The following ARFGEF1 variants were observed in gnomAD, a reference collection of about 807,000 sequenced individuals.
The protein encoded by ARFGEF1 is brefeldin A-inhibited guanine nucleotide-exchange protein 1.
In ARFGEF1, 42 loss-of-function variants were observed where a neutral mutation model predicts 231.0. The ratio of observed to expected loss-of-function variants is 0.18; its 90% CI spans 0.14 to 0.24. The LOEUF (loss-of-function observed/expected upper bound fraction) is 0.24. ARFGEF1 is among the 10% of genes least tolerant of loss of function. The probability of loss-of-function intolerance (pLI) is 1.00; values close to 1 mark genes in which losing one functional copy is unlikely to be tolerated. For missense variants in ARFGEF1, 1,345 were observed against 2,192.0 expected, an observed-to-expected ratio of 0.61 and a Z score of 7.72; for synonymous variants, 710 against 732.3, an observed-to-expected ratio of 0.97 and a Z score of 0.49.
In ARFGEF1 at chr8:67,217,806, A is replaced by G; in HGVS notation, c.4589T>C (p.Ile1530Thr). The part of the protein sequence containing the change: ...WDKTCNCTLD[I>T]FKTTIPHALL... ...CGCATGTGGGATTGTGGTTTTGAAGATATCCAGTGTGCAGTTGCAAGTTTT... is the reference window on the plus strand; with the variant it reads ...CGCATGTGGGATTGTGGTTTTGAAGGTATCCAGTGTGCAGTTGCAAGTTTT... The change falls in exon 32 of 39, where the codon ATC (isoleucine) becomes ACC (threonine). Residue 1530 changes from isoleucine to threonine, a missense_variant. Ile to Thr is a moderately conservative substitution (Grantham distance 89). Transcript: ENST00000262215. 6.2e-7 allele frequency: 1 copy of G among 1,613,936 alleles called. No individual in the cohort carries two copies. Among genetic ancestry groups the G allele is most frequent in the Non-Finnish European group, 8.5e-7 (1 of 1,179,904 alleles).
intron 22 of ARFGEF1, among the ~76,000 whole-genome samples, chr8:67,233,371 T>G (rs1839615427): frequency 6.6e-6 from 1 of 152,004 alleles, no homozygotes; most frequent in Non-Finnish European, 1.5e-5. Context: ...AGTTGAAAAT[T>G]CTACCTGTAT....
intron 7 of ARFGEF1, among the ~76,000 whole-genome samples, chr8:67,279,833 TGA>T (rs1360237053): frequency 6.6e-6 from 1 of 152,206 alleles, no homozygotes; most frequent in Non-Finnish European, 1.5e-5. Flanking sequence ...TAAAATCATT[TGA>T]GATATACAGG....
intron 22 of ARFGEF1, among the ~76,000 whole-genome samples, chr8:67,237,315 CTATGCT>C (rs766894106): frequency 1.3e-5 from 2 of 152,208 alleles, no homozygotes; most frequent in African/African-American, 2.4e-5. Flanking sequence ...ACTATAGCAT[CTATGCT>C]ATCATGGAGG....
chr8:67,315,646 C>G (rs1807277147), intron 1 of ARFGEF1, among the ~76,000 whole-genome samples: 1 of 151,864 alleles, frequency 6.6e-6, no homozygotes, highest in African/African-American at 2.4e-5. Context: ...GTGTTCTCTA[C>G]CAAAATGAAA....
chr8:67,305,433 T>C (rs1231074868), intron 1 of ARFGEF1, among the ~76,000 whole-genome samples: 1 of 152,188 alleles, frequency 6.6e-6, no homozygotes. Flanking sequence ...AGCTTGCTCT[T>C]GTTGCTCGGG....
At chr8:67,216,223 C>T (rs945010361) in intron 33 of ARFGEF1, among the ~76,000 whole-genome samples, 3 of 152,078 alleles carry the variant, frequency 2.0e-5, no homozygotes, top group African/African-American at 7.2e-5. Flanking sequence ...AAAACTTAAT[C>T]CCCAATGCAA....
At chr8:67,302,570 G>T in intron 1 of ARFGEF1, 104 bp from the exon 2 acceptor site, 2 of 733,042 alleles carry the variant, frequency 2.7e-6, no homozygotes, top group Non-Finnish European at 4.2e-6. Flanking sequence ...ACAAAAAGTT[G>T]GAAAGAATGC....
intron 5 of ARFGEF1, among the ~76,000 whole-genome samples, chr8:67,187,021 T>A (rs1834862291): frequency 6.6e-6 from 1 of 152,076 alleles, no homozygotes; most frequent in Non-Finnish European, 1.5e-5. Flanking sequence ...ATCTAATCTA[T>A]CTATCTAGAA....
intron 1 of ARFGEF1, among the ~76,000 whole-genome samples, chr8:67,335,791 G>A (rs1255271751): frequency 1.3e-5 from 2 of 151,706 alleles, no homozygotes; most frequent in African/African-American, 4.8e-5. Context: ...CTGTCTCTCG[G>A]GCTGGAGTGC....
At chr8:67,301,980 G>A (rs577469212) in intron 2 of ARFGEF1, among the ~76,000 whole-genome samples, 26 of 152,200 alleles carry the variant, frequency 1.7e-4, no homozygotes, top group African/African-American at 5.5e-4. Context: ...GCCGAGGTGC[G>A]TGGGTCACTT....
intron 1 of ARFGEF1, among the ~76,000 whole-genome samples, chr8:67,330,770 TA>T (rs1464143221): frequency 6.6e-6 from 1 of 152,178 alleles, no homozygotes; most frequent in Non-Finnish European, 1.5e-5. Context: ...AAATTACACA[TA>T]AGCTTTGCTT....
In ARFGEF1 at chr8:67,299,291, A is replaced by G; in HGVS notation, c.377T>C (p.Leu126Ser). ...TATTGTTTCAATAATTCTATCAATTAATTTTTTGCCTGGTGTTGTACTATC... is the reference window on the plus strand; with the variant it reads ...TATTGTTTCAATAATTCTATCAATTGATTTTTTGCCTGGTGTTGTACTATC... Reference protein sequence around the residue: ...APDSTTPGKKLIDRIIETICG... With the variant: ...APDSTTPGKKSIDRIIETICG... The change falls in exon 4 of 39, where the codon TTA becomes TCA. Residue 126 changes from leucine (L) to serine (S), a missense_variant. Physicochemically the swap from Leu to Ser is moderately radical, Grantham distance 145. Coordinates refer to ENST00000262215, the MANE Select transcript of ARFGEF1 (RefSeq NM_006421.5). 1.2e-6 allele frequency: 2 copies of G among 1,610,712 alleles called. No homozygotes were observed. The highest frequency in any genetic ancestry group is 1.7e-6 in the Non-Finnish European group (2 of 1,178,088).
At chr8:67,194,570 C>G (rs1255838283), downstream of ARFGEF1, among the ~76,000 whole-genome samples, 1 of 151,844 alleles carries the variant, frequency 6.6e-6, no homozygotes, top group Non-Finnish European at 1.5e-5. Flanking sequence ...TTTTAAGAAT[C>G]TTTTTCAGAA....
intron 19 of ARFGEF1, among the ~76,000 whole-genome samples, chr8:67,246,158 C>T (rs1840100004): frequency 1.3e-5 from 2 of 150,348 alleles, no homozygotes; most frequent in African/African-American, 2.5e-5. Context: ...GACCCCAATA[C>T]AGTAACAGCT....
At chr8:67,309,005 CCAT>C (rs749352683) in intron 1 of ARFGEF1, among the ~76,000 whole-genome samples, 1 of 152,082 alleles carries the variant, frequency 6.6e-6, no homozygotes, top group Non-Finnish European at 1.5e-5. Flanking sequence ...ACCTAGGTGT[CCAT>C]CATCAGATGA....
intron 29 of ARFGEF1, among the ~76,000 whole-genome samples, chr8:67,222,732 T>C (rs1460793728): frequency 6.6e-6 from 1 of 152,222 alleles, no homozygotes; most frequent in Non-Finnish European, 1.5e-5. Context: ...ATTATAGGTA[T>C]GGCCACCATG....
intron 5 of ARFGEF1, among the ~76,000 whole-genome samples, chr8:67,295,889 G>A (rs901851841): frequency 1.3e-5 from 2 of 152,146 alleles, no homozygotes; most frequent in African/African-American, 4.8e-5. Context: ...TTTAAAAAGA[G>A]TTCAAAATAA....
chr8:67,243,575 G>A (rs1328789882), intron 19 of ARFGEF1, among the ~76,000 whole-genome samples: 4 of 152,194 alleles, frequency 2.6e-5, no homozygotes, highest in Admixed American at 6.5e-5. Context: ...TTCAAGACTG[G>A]TAAGGATATA....
intron 34 of ARFGEF1, among the ~76,000 whole-genome samples, chr8:67,209,916 G>C (rs559982542): frequency 6.6e-6 from 1 of 152,008 alleles, no homozygotes; most frequent in East Asian, 1.9e-4. Flanking sequence ...ACTTTGGGAG[G>C]CCAAGCCGGG....
Sources: gnomAD v4.1 joint callset for allele counts (sites outside exome capture counted in the v4.1 genomes callset) on GRCh38, gnomAD v4.1.1 for gene constraint, MANE v1.5 for transcripts, NCBI Gene and HGNC (gene_info 2026-07-23, HGNC 2026-07-21) for gene names.